PLCL1: variants seen among roughly 807,000 people sequenced by gnomAD.
PLCL1 encodes inactive phospholipase C-like protein 1.
In PLCL1, 41 loss-of-function variants were observed where a neutral mutation model predicts 84.4. The ratio of observed to expected loss-of-function variants is 0.49; its 90% confidence interval spans 0.38 to 0.63. PLCL1 has a LOEUF of 0.63. PLCL1 is among the 30% of genes least tolerant of loss of function. The pLI, the probability that PLCL1 is intolerant of heterozygous loss-of-function variation, is 0.00. For missense variants in PLCL1, 1,206 were observed against 1,367.8 expected (o/e 0.88, Z 1.87); for synonymous variants, 490 against 488.3 (o/e 1.00, Z -0.05).
At chr2:197,891,357 G>A (rs183620685) in intron 1 of PLCL1, among the ~76,000 whole-genome samples, 2 of 152,226 alleles carry the variant, frequency 1.3e-5, no homozygotes, top group Non-Finnish European at 2.9e-5. Flanking sequence ...GAATCACCTG[G>A]GAGAGTGATT....
chr2:198,100,520 G>T (rs1348462480), intron 3 of PLCL1, among the ~76,000 whole-genome samples: 1 of 152,102 alleles, frequency 6.6e-6, no homozygotes, highest in African/African-American at 2.4e-5. Flanking sequence ...AGTAGGGTGT[G>T]TTTAGAGAAG....
intron 1 of PLCL1, among the ~76,000 whole-genome samples, chr2:198,072,419 G>A (rs1238313079): frequency 2.0e-5 from 3 of 151,698 alleles, no homozygotes; most frequent in African/African-American, 7.3e-5. Flanking sequence ...TTTTCTGCAA[G>A]TAATAATGAT....
intron 1 of PLCL1, among the ~76,000 whole-genome samples, chr2:197,980,794 C>T (rs534876620): frequency 1.3e-5 from 2 of 152,188 alleles, no homozygotes; most frequent in East Asian, 3.9e-4. Flanking sequence ...CTGTCCTGAG[C>T]ATTTAACATG....
In PLCL1 at chr2:197,899,638, TC is replaced by T. The variant is rs1207251002; in HGVS notation, c.240+94300del. Among the ~76,000 whole-genome samples the T allele has an allele frequency of 4.4e-4, 64 of 146,078 alleles. 7 individuals are homozygous for T. Among genetic ancestry groups the T allele is most frequent in the African/African-American group, 8.9e-4 (35 of 39,188 alleles). On this transcript the variant is annotated intron_variant, in intron 1 of 5. Transcript: ENST00000428675. ...GGCCTTGGCACATGAGTTCTTTCTT[TC>T]TTTTTTTTTTTTTTGAGACGGAGTC...
intron 1 of PLCL1, among the ~76,000 whole-genome samples, chr2:197,997,245 G>A (rs755952818): frequency 1.3e-5 from 2 of 152,208 alleles, no homozygotes; most frequent in Non-Finnish European, 2.9e-5. Flanking sequence ...GGGCGGGGGC[G>A]TGAGCCCAGC....
At chr2:197,968,645 A>C (rs1559059560) in intron 1 of PLCL1, among the ~76,000 whole-genome samples, 1 of 152,218 alleles carries the variant, frequency 6.6e-6, no homozygotes, top group Non-Finnish European at 1.5e-5. Flanking sequence ...AAATTATTTT[A>C]TCTAATCAGA....
intron 1 of PLCL1, among the ~76,000 whole-genome samples, chr2:198,016,384 T>C (rs1690997592): frequency 6.6e-6 from 1 of 152,214 alleles, no homozygotes; most frequent in African/African-American, 2.4e-5. Context: ...GGAGCTTTCT[T>C]TGATGCTCCT....
intron 3 of PLCL1, among the ~76,000 whole-genome samples, chr2:198,100,801 G>A (rs1693312749): frequency 6.6e-6 from 1 of 151,830 alleles, no homozygotes; most frequent in Non-Finnish European, 1.5e-5. Flanking sequence ...CATTTTTTTG[G>A]TGGGAGTGGG....
intron 1 of PLCL1, among the ~76,000 whole-genome samples, chr2:197,981,121 C>T (rs887637178): frequency 6.6e-6 from 1 of 152,184 alleles, no homozygotes; most frequent in African/African-American, 2.4e-5. Flanking sequence ...CACTAGCCTT[C>T]AAATACTCTA....
chr2:197,820,073 C>T (rs534230710), intron 1 of PLCL1, among the ~76,000 whole-genome samples: 1 of 152,046 alleles, frequency 6.6e-6, no homozygotes, highest in South Asian at 2.1e-4. Context: ...GTAGTTAAAC[C>T]CTGGATTGTT....
intron 3 of PLCL1, 139 bp downstream of exon 3, chr2:198,089,200 C>T (rs1488210858): frequency 2.7e-5 from 18 of 666,356 alleles, no homozygotes; most frequent in African/African-American, 9.0e-5. Context: ...CATGCAGAGC[C>T]GGCCCATTCA....
At chr2:198,073,655 G>T (rs1169821146) in intron 1 of PLCL1, among the ~76,000 whole-genome samples, 1 of 152,138 alleles carries the variant, frequency 6.6e-6, no homozygotes, top group African/African-American at 2.4e-5. Context: ...TTTTATATGT[G>T]GTTCAGAGAT....
intron 1 of PLCL1, among the ~76,000 whole-genome samples, chr2:198,032,577 G>A (rs992894477): frequency 3.3e-5 from 5 of 151,962 alleles, no homozygotes; most frequent in Admixed American, 1.3e-4. Flanking sequence ...TTTTAGGCCA[G>A]TACATCTCAA....
At chr2:198,129,572 C>A (rs1312278030) in intron 5 of PLCL1, among the ~76,000 whole-genome samples, 1 of 152,196 alleles carries the variant, frequency 6.6e-6, no homozygotes, top group Non-Finnish European at 1.5e-5. Context: ...TCCTTGGCCA[C>A]ATGTTCTCAG....
At chr2:197,845,859 G>A (rs1026900273) in intron 1 of PLCL1, among the ~76,000 whole-genome samples, 4 of 152,112 alleles carry the variant, frequency 2.6e-5, no homozygotes, top group Non-Finnish European at 4.4e-5. Flanking sequence ...ATGCCTGTGT[G>A]TGTATGTACT....
Position 198,084,491 on chromosome 2 carries a change from A to G in PLCL1, c.974A>G (p.Lys325Arg). Reference protein sequence around the residue: ...EVYFLLVQISKNKEYLDANDL... With the variant: ...EVYFLLVQISRNKEYLDANDL... ...TATTTCTTACTTGTACAGATATCTA[A>G]AAACAAAGAATATTTGGATGCCAAT... Residue 325 changes from lysine (K) to arginine (R), a missense_variant, in exon 2 of 6, where the codon AAA (lysine) becomes AGA (arginine). By Grantham distance (26) the Lys-to-Arg change is conservative (BLOSUM62 2). Coordinates refer to ENST00000428675, the MANE Select transcript of PLCL1 (RefSeq NM_006226.4). 10 of 1,614,102 alleles carry G rather than the reference A, an allele frequency of 6.2e-6. No homozygotes were observed. The highest frequency in any genetic ancestry group is 7.6e-6 in the Non-Finnish European group (9 of 1,179,942).
At chr2:197,876,895 C>T (rs1372948674) in intron 1 of PLCL1, among the ~76,000 whole-genome samples, 2 of 152,042 alleles carry the variant, frequency 1.3e-5, no homozygotes, top group Non-Finnish European at 2.9e-5. Flanking sequence ...TATTTATAGG[C>T]ATTTAGATGA....
At chr2:198,048,826 G>A (rs1691865295) in intron 1 of PLCL1, among the ~76,000 whole-genome samples, 1 of 152,166 alleles carries the variant, frequency 6.6e-6, no homozygotes. Flanking sequence ...CCTCCTAGCG[G>A]CCCCACCTCC....
At chr2:198,043,459 G>A (rs1250020195) in intron 1 of PLCL1, among the ~76,000 whole-genome samples, 3 of 152,134 alleles carry the variant, frequency 2.0e-5, no homozygotes, top group Non-Finnish European at 2.9e-5. Context: ...GAAGTGAAAG[G>A]GGAGCTAGCC....
Sources: gnomAD v4.1 joint callset for allele counts (sites outside exome capture counted in the v4.1 genomes callset) on GRCh38, gnomAD v4.1.1 for gene constraint, MANE v1.5 for transcripts, NCBI Gene and HGNC (gene_info 2026-07-23, HGNC 2026-07-21) for gene names.